NBEA: variants seen among roughly 807,000 people sequenced by gnomAD.
NBEA encodes lysosomal-trafficking regulator 2.
A neutral mutation model predicts 343.4 loss-of-function variants in NBEA; 44 were observed. The observed-to-expected ratio is 0.13, with a 90% CI of 0.10 to 0.16. The LOEUF is 0.16. Ranked by LOEUF, NBEA falls within the 10% of genes least tolerant of loss-of-function variation. NBEA has a pLI of 1.00. For missense variants in NBEA, 2,555 were observed against 3,631.3 expected, an observed-to-expected ratio of 0.70 and a Z score of 7.62; for synonymous variants, 1,175 against 1,238.7, an observed-to-expected ratio of 0.95 and a Z score of 1.08.
At chr13:35,471,172 G>T (rs2075628151) in intron 40 of NBEA, among the ~76,000 whole-genome samples, 1 of 152,168 alleles carries the variant, frequency 6.6e-6, no homozygotes, top group Non-Finnish European at 1.5e-5. Flanking sequence ...AGCCCTCTGT[G>T]TTCCCGCAGC....
At chr13:35,643,065 A>T (rs916444473) in intron 49 of NBEA, among the ~76,000 whole-genome samples, 3 of 151,478 alleles carry the variant, frequency 2.0e-5, no homozygotes, top group African/African-American at 7.3e-5. Context: ...ATATAGAAGG[A>T]ATTCATCTCA....
intron 41 of NBEA, among the ~76,000 whole-genome samples, chr13:35,499,269 T>C (rs547620260): frequency 1.3e-5 from 2 of 152,206 alleles, no homozygotes; most frequent in East Asian, 3.9e-4. Flanking sequence ...AATGCTAGTG[T>C]TGACACCACC....
intron 30 of NBEA, 120 bp from the exon 31 acceptor site, chr13:35,195,744 T>C: frequency 5.9e-6 from 5 of 851,492 alleles, no homozygotes; most frequent in Non-Finnish European, 7.0e-6. Context: ...CACATCCGTT[T>C]AGCAATTTTT....
intron 26 of NBEA, among the ~76,000 whole-genome samples, chr13:35,172,790 G>A (rs1390735119): frequency 1.3e-5 from 2 of 152,168 alleles, no homozygotes; most frequent in East Asian, 1.9e-4. Context: ...TAAGCAGCTA[G>A]CCTAAAACCA....
At chr13:35,158,292 CT>C (rs1255182631) in intron 21 of NBEA, among the ~76,000 whole-genome samples, 4 of 152,028 alleles carry the variant, frequency 2.6e-5, no homozygotes, top group African/African-American at 9.7e-5. Context: ...GAACCCATGT[CT>C]GTAAGAGAAA....
intron 43 of NBEA, 89 bp downstream of exon 43, chr13:35,551,121 T>C (rs1234672104): frequency 5.6e-6 from 4 of 713,628 alleles, no homozygotes; most frequent in Non-Finnish European, 8.7e-6. Context: ...TATAACATTA[T>C]AATTATTTCA....
chr13:34,982,562 A>G (rs191501774), intron 1 of NBEA, among the ~76,000 whole-genome samples: 4 of 152,260 alleles, frequency 2.6e-5, no homozygotes, highest in Non-Finnish European at 5.9e-5. Context: ...CGGCCTCCCA[A>G]AGTGCTGGGA....
At chr13:35,398,858 C>T (rs2042869225) in intron 38 of NBEA, among the ~76,000 whole-genome samples, 1 of 152,052 alleles carries the variant, frequency 6.6e-6, no homozygotes, top group South Asian at 2.1e-4. Context: ...TTAGCATGCC[C>T]TTTGAAGCTT....
chr13:35,550,818 A>C, intron 42 of NBEA, 112 bp from the exon 43 acceptor site: 1 of 695,558 alleles, frequency 1.4e-6, no homozygotes, highest in Non-Finnish European at 2.4e-6. Context: ...TTTCATGAAG[A>C]TTCATTAGCT....
At chr13:35,388,194 C>G (rs930983985) in intron 38 of NBEA, among the ~76,000 whole-genome samples, 1 of 151,888 alleles carries the variant, frequency 6.6e-6, no homozygotes, top group African/African-American at 2.4e-5. Context: ...AGAGAGATGG[C>G]CAAATCTTAT....
intron 39 of NBEA, among the ~76,000 whole-genome samples, chr13:35,445,325 A>C (rs1169131343): frequency 2.6e-5 from 4 of 152,116 alleles, no homozygotes; most frequent in African/African-American, 9.7e-5. Context: ...ATTTTATCAA[A>C]ATTTTAATAA....
At chr13:35,095,819 C>G (rs1396745664) in intron 10 of NBEA, among the ~76,000 whole-genome samples, 3 of 151,880 alleles carry the variant, frequency 2.0e-5, no homozygotes, top group Non-Finnish European at 4.4e-5. Context: ...CTATACTTTT[C>G]AAGAGAATTT....
rs148888055 is a variant in NBEA, at chr13:35,088,191, G to C, written c.1572-10106G>C. ...GCAAGCAAGCTGCTATGAGATTAAGGGGAGAACTTCAGTGAGCAATTGGAT... is the reference window on the plus strand; with the variant it reads ...GCAAGCAAGCTGCTATGAGATTAAGCGGAGAACTTCAGTGAGCAATTGGAT... On this transcript the variant is annotated intron_variant, in intron 10 of 58. Transcript: ENST00000379939. Among the ~76,000 whole-genome samples the C allele has an allele frequency of 3.7e-3, 566 of 151,930 alleles. 5 individuals are homozygous for C. The highest frequency in any genetic ancestry group is 4.8e-3 in the Non-Finnish European group (324 of 67,880).
intron 48 of NBEA, among the ~76,000 whole-genome samples, chr13:35,624,749 A>G (rs1448849509): frequency 6.6e-6 from 1 of 152,006 alleles, no homozygotes; most frequent in East Asian, 1.9e-4. Context: ...GCAAAAGAAT[A>G]TAAAGATAAA....
chr13:35,177,797 G>T (rs1461562750), intron 28 of NBEA, among the ~76,000 whole-genome samples: 1 of 151,608 alleles, frequency 6.6e-6, no homozygotes, highest in East Asian at 1.9e-4. Context: ...TTTAGTTGAT[G>T]ATTCTTATCT....
chr13:35,015,577 A>G (rs887530533), intron 1 of NBEA, among the ~76,000 whole-genome samples: 6 of 152,130 alleles, frequency 3.9e-5, no homozygotes, highest in African/African-American at 7.2e-5. Context: ...CAAGTAAGAT[A>G]ATATTGCATG....
At chr13:35,146,017 A>T (rs964911003) in intron 18 of NBEA, among the ~76,000 whole-genome samples, 6 of 152,168 alleles carry the variant, frequency 3.9e-5, no homozygotes, top group Admixed American at 3.9e-4. Flanking sequence ...TTTTAAAGAG[A>T]TGATCACTAG....
chr13:35,111,828 A>C (rs534600645), intron 13 of NBEA, among the ~76,000 whole-genome samples: 3 of 151,806 alleles, frequency 2.0e-5, no homozygotes, highest in Non-Finnish European at 4.4e-5. Flanking sequence ...AGTATATGTT[A>C]GAGTACTTCC....
intron 30 of NBEA, among the ~76,000 whole-genome samples, chr13:35,193,225 G>A (rs2072329154): frequency 6.6e-6 from 1 of 151,870 alleles, no homozygotes. Flanking sequence ...AATATATTCA[G>A]TGGTATCTCT....
Sources: gnomAD v4.1 joint callset for allele counts (sites outside exome capture counted in the v4.1 genomes callset) on GRCh38, gnomAD v4.1.1 for gene constraint, MANE v1.5 for transcripts, NCBI Gene and HGNC (gene_info 2026-07-23, HGNC 2026-07-21) for gene names.